The following KLHL18 variants were observed in gnomAD, a reference collection of about 807,000 sequenced individuals.
KLHL18 encodes the protein kelch-like protein 18.
Under a neutral mutation model 58.5 loss-of-function variants are expected in KLHL18, and 38 were observed. The observed-to-expected ratio is 0.65, with a 90% CI of 0.50 to 0.85. The LOEUF is 0.85. KLHL18 is among the 40% of genes least tolerant of loss of function. The pLI is 0.00. For missense variants in KLHL18, 624 were observed against 778.4 expected (o/e 0.80, Z 2.36); for synonymous variants, 303 against 301.9 (o/e 1.00, Z -0.04).
At chr3:47,329,871 C>G in intron 3 of KLHL18, 80 bp from the exon 4 acceptor site, 2 of 1,239,612 alleles carry the variant, frequency 1.6e-6, no homozygotes, top group Non-Finnish European at 2.3e-6. Context: ...TTCTGTGGCT[C>G]TACCCAGAAC....
chr3:47,319,612 C>G, intron 1 of KLHL18, 41 bp from the exon 2 acceptor site: 2 of 1,595,186 alleles, frequency 1.3e-6, no homozygotes, highest in Non-Finnish European at 1.7e-6. Context: ...TTTTGTTTTG[C>G]ATTCCTCAAT....
At chr3:47,325,666 T>C (rs1010165007) in intron 3 of KLHL18, among the ~76,000 whole-genome samples, 18 of 152,230 alleles carry the variant, frequency 1.2e-4, no homozygotes, top group African/African-American at 4.3e-4. Context: ...CGCTGCTTTT[T>C]TTCCCCCTGA....
intron 1 of KLHL18, among the ~76,000 whole-genome samples, chr3:47,305,430 A>C (rs1703124273): frequency 1.4e-5 from 2 of 146,370 alleles, no homozygotes; most frequent in South Asian, 2.2e-4. Flanking sequence ...TTTATTTTCA[A>C]ATATTAAGTC....
At chr3:47,319,892 C>A in intron 2 of KLHL18, 109 bp downstream of exon 2, 31 of 1,088,172 alleles carry the variant, frequency 2.8e-5, no homozygotes, top group South Asian at 9.9e-5. Flanking sequence ...AATAGCCTAG[C>A]TCTACACAAA....
intron 1 of KLHL18, among the ~76,000 whole-genome samples, chr3:47,283,807 T>C (rs1333737639): frequency 1.3e-5 from 2 of 152,186 alleles, no homozygotes; most frequent in East Asian, 3.8e-4. Flanking sequence ...GGTCTTTTCA[T>C]GAGGAAGAGG....
rs59258588 is a variant in KLHL18, at chr3:47,322,770, A to G, written c.401+62A>G. ...TATTTCATTTCTGGAATCTTCTGCC[A>G]GTTTGCTGAGTTCTTGGGACCATAT... On this transcript the variant is annotated intron_variant, in intron 3 of 9. Transcript: ENST00000232766. 309 of 1,457,282 alleles carry G rather than the reference A, an allele frequency of 2.1e-4. 7 individuals are homozygous for G. In the East Asian group the frequency reaches 7.7e-3, roughly 36 times the overall value. The allele number at this position is 1,457,282 out of a possible 1,614,324, so 90.3% of individuals were successfully genotyped here. A position where few individuals can be genotyped will look rare whatever the true frequency, so the allele number is the denominator to read the frequency against.
intron 1 of KLHL18, among the ~76,000 whole-genome samples, chr3:47,315,687 C>T (rs992144925): frequency 2.6e-5 from 4 of 152,188 alleles, no homozygotes; most frequent in Non-Finnish European, 5.9e-5. Flanking sequence ...AAGCCTACCC[C>T]CTAGCCAAGT....
intron 3 of KLHL18, among the ~76,000 whole-genome samples, chr3:47,327,043 A>G (rs779442271): frequency 2.6e-4 from 39 of 152,236 alleles, no homozygotes; most frequent in Middle Eastern, 6.8e-3. Context: ...GTTGGAGACC[A>G]GCCTGGCCAA....
chr3:47,308,346 C>T (rs565371419), intron 1 of KLHL18, among the ~76,000 whole-genome samples: 1 of 152,216 alleles, frequency 6.6e-6, no homozygotes, highest in Non-Finnish European at 1.5e-5. Flanking sequence ...GAACCTGTCA[C>T]CCAAATAGTG....
chr3:47,316,736 CATATATACGTATAT>C (rs1703459531), intron 1 of KLHL18, among the ~76,000 whole-genome samples: 1 of 121,454 alleles, frequency 8.2e-6, no homozygotes, highest in Non-Finnish European at 1.7e-5. Flanking sequence ...TGTATATATA[CATATATACGTATAT>C]ATGTATATGT....
chr3:47,291,961 C>T (rs1056898399), intron 1 of KLHL18, among the ~76,000 whole-genome samples: 1 of 152,188 alleles, frequency 6.6e-6, no homozygotes. Flanking sequence ...ACTAAAGACA[C>T]CATGCTCCCA....
At chr3:47,333,435 A>C in intron 5 of KLHL18, 118 bp downstream of exon 5, 1 of 1,007,464 alleles carries the variant, frequency 9.9e-7, no homozygotes, top group Non-Finnish European at 1.4e-6. Flanking sequence ...AATTCATGGC[A>C]CACAGATTGG....
chr3:47,322,485 T>C, intron 2 of KLHL18, 83 bp from the exon 3 acceptor site: 4 of 1,357,806 alleles, frequency 2.9e-6, no homozygotes, highest in Non-Finnish European at 3.9e-6. Flanking sequence ...GGCTAAGTAA[T>C]GTCAGTTCAG....
intron 4 of KLHL18, among the ~76,000 whole-genome samples, chr3:47,332,333 C>T (rs937186609): frequency 4.7e-5 from 7 of 150,422 alleles, no homozygotes; most frequent in African/African-American, 1.2e-4. Flanking sequence ...CCAGCCTGGG[C>T]GATGGGGCAA....
intron 1 of KLHL18, among the ~76,000 whole-genome samples, chr3:47,290,053 AC>A (rs1702758523): frequency 6.6e-6 from 1 of 152,224 alleles, no homozygotes; most frequent in Non-Finnish European, 1.5e-5. Flanking sequence ...GATGTAAAAA[AC>A]CCTGAGGCTT....
intron 1 of KLHL18, among the ~76,000 whole-genome samples, chr3:47,294,043 C>A (rs1269949395): frequency 6.6e-6 from 1 of 152,156 alleles, no homozygotes; most frequent in Non-Finnish European, 1.5e-5. Flanking sequence ...TAATTGAGAT[C>A]CTCTTCATCT....
chr3:47,301,144 G>GTATGTAGT (rs1703016563), intron 1 of KLHL18, among the ~76,000 whole-genome samples: 1 of 151,898 alleles, frequency 6.6e-6, no homozygotes, highest in Admixed American at 6.6e-5. Context: ...TCTTTGTCAG[G>GTATGTAGT]TATGTAGTTT....
intron 1 of KLHL18, among the ~76,000 whole-genome samples, chr3:47,310,947 A>G (rs1462036840): frequency 6.6e-6 from 1 of 151,074 alleles, no homozygotes; most frequent in East Asian, 1.9e-4. Context: ...TTCATACTCT[A>G]TCTCCACAGA....
At chr3:47,330,864 T>C (rs1423921309) in intron 4 of KLHL18, among the ~76,000 whole-genome samples, 7 of 151,916 alleles carry the variant, frequency 4.6e-5, no homozygotes, top group African/African-American at 1.7e-4. Flanking sequence ...CTTGAGTAGC[T>C]GGGATTACAG....
Sources: allele counts gnomAD v4.1 joint callset (sites outside exome capture counted in the v4.1 genomes callset), GRCh38; gene constraint gnomAD v4.1.1; transcripts MANE v1.5; gene names NCBI Gene and HGNC (gene_info 2026-07-23, HGNC 2026-07-21).